The following KIAA1549L variants were observed in gnomAD, a reference collection of about 807,000 sequenced individuals.
KIAA1549L encodes the protein UPF0606 protein KIAA1549L.
KIAA1549L carries 88 observed loss-of-function variants against 160.7 expected under a neutral mutation model. The observed-to-expected ratio is 0.55, with a 90% confidence interval of 0.46 to 0.65. The LOEUF is 0.65. Ranked by LOEUF, KIAA1549L falls within the 30% of genes least tolerant of loss-of-function variation. The pLI is 0.00. For synonymous variants in KIAA1549L, 950 were observed against 976.7 expected, an observed-to-expected ratio of 0.97 and a Z score of 0.51; for missense variants, 2,258 against 2,437.5, an observed-to-expected ratio of 0.93 and a Z score of 1.55.
At chr11:33,591,166 C>T in intron 11 of KIAA1549L, 71 bp from the exon 12 acceptor site, 1 of 1,135,414 alleles carries the variant, frequency 8.8e-7, no homozygotes, top group Non-Finnish European at 1.3e-6. Context: ...TGCTGCCTGT[C>T]ATCTCTTAAA....
chr11:33,406,500 C>T (rs1850655801), intron 1 of KIAA1549L, among the ~76,000 whole-genome samples: 1 of 152,256 alleles, frequency 6.6e-6, no homozygotes, highest in Non-Finnish European at 1.5e-5. Context: ...ATCATCTCCT[C>T]TCTTAGGGAC....
intron 1 of KIAA1549L, among the ~76,000 whole-genome samples, chr11:33,495,254 C>G (rs1490717936): frequency 6.6e-6 from 1 of 151,954 alleles, no homozygotes; most frequent in Non-Finnish European, 1.5e-5. Flanking sequence ...TTAGATATAT[C>G]TCCCAATGCT....
chr11:33,614,551 TATATATATATATATATATATA>T lies in KIAA1549L; in HGVS notation c.5280-3981_5280-3961del, dbSNP rs1850738423. Among the ~76,000 whole-genome samples the T allele has an allele frequency of 2.9e-4, 4 of 13,702 alleles. 1 individual carries two copies. Among genetic ancestry groups the T allele is most frequent in the African/African-American group, 1.4e-3 (4 of 2,928 alleles). 9.0% of individuals were successfully genotyped at this position (13,702 alleles called of 152,430 possible). On this transcript the variant is annotated intron_variant, in intron 15 of 20. Transcript: ENST00000658780. ...AACAAGATATATATATATATATATA[TATATATATATATATATATATA>T]TATATATATATATTTTTTTTTTTTT...
chr11:33,431,965 C>T (rs530737222), intron 1 of KIAA1549L, among the ~76,000 whole-genome samples: 1 of 152,362 alleles, frequency 6.6e-6, no homozygotes, highest in South Asian at 2.1e-4. Flanking sequence ...ACCCAGTACG[C>T]CCTCCGTAGC....
At chr11:33,658,481 A>G (rs1212815573) in intron 18 of KIAA1549L, among the ~76,000 whole-genome samples, 3 of 152,180 alleles carry the variant, frequency 2.0e-5, no homozygotes, top group Non-Finnish European at 2.9e-5. Context: ...CAGAGACATG[A>G]GAGCCACCCT....
intron 14 of KIAA1549L, among the ~76,000 whole-genome samples, chr11:33,607,725 A>G (rs1242068950): frequency 6.6e-6 from 1 of 152,192 alleles, no homozygotes; most frequent in African/African-American, 2.4e-5. Context: ...CTCAAGGAAC[A>G]TGCTATGGCC....
At chr11:33,400,053 A>G (rs1348718298) in intron 1 of KIAA1549L, among the ~76,000 whole-genome samples, 2 of 152,104 alleles carry the variant, frequency 1.3e-5, no homozygotes, top group African/African-American at 4.8e-5. Context: ...GTTTAATAAT[A>G]TGTTCAATGT....
intron 1 of KIAA1549L, among the ~76,000 whole-genome samples, chr11:33,534,693 A>G (rs576736076): frequency 6.6e-6 from 1 of 152,114 alleles, no homozygotes; most frequent in Non-Finnish European, 1.5e-5. Flanking sequence ...CTCTTTAAAT[A>G]ACTTCCTCCA....
At position 33,481,108 on chromosome 11, in the gene KIAA1549L, C is replaced by T. The variant is rs573641017; in HGVS notation, c.239-60694C>T. Among the ~76,000 whole-genome samples, 109 of 152,076 alleles carry T rather than the reference C, an allele frequency of 7.2e-4. 1 individual carries two copies. The highest frequency in any genetic ancestry group is 2.6e-3 in the African/African-American group (108 of 41,502). ...ATAGTGCATTTCTGTATTTTTTTCT[C>T]GTTTAGACTTCCTTTGGGCTAAGTG... On this transcript the variant is annotated intron_variant, in intron 1 of 20. Transcript: ENST00000658780.
At chr11:33,477,982 A>G (rs1852325673) in intron 1 of KIAA1549L, among the ~76,000 whole-genome samples, 2 of 152,220 alleles carry the variant, frequency 1.3e-5, no homozygotes, top group Admixed American at 1.3e-4. Flanking sequence ...TGTGAACTAC[A>G]GGTAAGACAA....
chr11:33,666,196 C>T (rs1422927672), intron 20 of KIAA1549L, among the ~76,000 whole-genome samples: 1 of 151,984 alleles, frequency 6.6e-6, no homozygotes, highest in Non-Finnish European at 1.5e-5. Flanking sequence ...AGCAGGAGGC[C>T]TGGGTCTGCA....
At position 33,606,648 on chromosome 11, in the gene KIAA1549L, G is replaced by A. The variant is rs533066384; in HGVS notation, c.4887G>A (p.Ala1629=). 16 of 1,613,828 alleles carry A rather than the reference G, an allele frequency of 9.9e-6. No individual in the cohort carries two copies. The highest frequency in any genetic ancestry group is 6.6e-5 in the South Asian group (6 of 91,040). The change falls in exon 14 of 21, where the codon GCG becomes GCA. Residue 1629 remains alanine (A), a synonymous_variant. Coordinates refer to ENST00000658780, the MANE Select transcript of KIAA1549L (RefSeq NM_012194.3). The part of the protein sequence containing the change: ...KEEARKRNVP[A]SDEEEGAVLF... The stretch of plus-strand genomic sequence containing the variant: ...GTTTATGTTGTGCTTCAGTGCCAGC[G>A]AGTGACGAAGAGGAGGGAGCGGTTC...
intron 16 of KIAA1549L, among the ~76,000 whole-genome samples, chr11:33,629,118 C>A (rs1851203183): frequency 6.6e-6 from 1 of 152,194 alleles, no homozygotes; most frequent in Middle Eastern, 3.4e-3. Context: ...TTGGCCCCCA[C>A]TCTCTTCTGG....
At chr11:33,516,107 A>G (rs565935267) in intron 1 of KIAA1549L, among the ~76,000 whole-genome samples, 150 of 150,842 alleles carry the variant, frequency 9.9e-4, no homozygotes, top group African/African-American at 3.5e-3. Context: ...ATAACAGTCT[A>G]GGCAGCCACT....
intron 1 of KIAA1549L, among the ~76,000 whole-genome samples, chr11:33,507,529 A>G (rs559239866): frequency 1.1e-4 from 16 of 152,298 alleles, no homozygotes; most frequent in African/African-American, 3.8e-4. Flanking sequence ...CCTGGCAGGG[A>G]AGTCAGCTGA....
chr11:33,648,461 T>C (rs1851789423), intron 17 of KIAA1549L, among the ~76,000 whole-genome samples: 1 of 150,754 alleles, frequency 6.6e-6, no homozygotes, highest in Non-Finnish European at 1.5e-5. Context: ...TGTGCTTTGA[T>C]AATGTGGAAA....
chr11:33,405,007 C>CA (rs35549544), intron 1 of KIAA1549L, among the ~76,000 whole-genome samples: 68,420 of 109,254 alleles, frequency 0.63, 20,221 homozygotes, highest in Middle Eastern at 0.69. Context: ...GACTCTGTCT[C>CA]AAAAAAAAAA....
In KIAA1549L at chr11:33,656,573, CAT is replaced by C. The variant is rs1314456496; in HGVS notation, c.5858+467_5858+468del. 4.6e-5 allele frequency among the ~76,000 whole-genome samples: 7 copies of C among 152,308 alleles called. No individual in the cohort carries two copies. The South Asian group carries it at 1.0e-3, about 23-fold the overall frequency. On this transcript the variant is annotated intron_variant, in intron 18 of 20. Transcript: ENST00000658780. ...GAAGTCAGATATCTCAATTGCAACA[CAT>C]ATGTTAAGCATGTTCTTTGCTTTAG...
intron 1 of KIAA1549L, among the ~76,000 whole-genome samples, chr11:33,414,436 T>G (rs1230611017): frequency 6.6e-6 from 1 of 152,216 alleles, no homozygotes; most frequent in Admixed American, 6.5e-5. Context: ...GACTTCTGTT[T>G]TCCCCTGCCA....
Sources: gnomAD v4.1 joint callset for allele counts (sites outside exome capture counted in the v4.1 genomes callset) on GRCh38, gnomAD v4.1.1 for gene constraint, MANE v1.5 for transcripts, NCBI Gene and HGNC (gene_info 2026-07-23, HGNC 2026-07-21) for gene names.